HSF2BP: variants seen among roughly 807,000 people sequenced by gnomAD.
HSF2BP encodes the protein heat shock factor 2-binding protein.
A neutral mutation model predicts 35.0 loss-of-function variants in HSF2BP; 35 were observed. The ratio of observed to expected loss-of-function variants is 1.00; its 90% confidence interval spans 0.76 to 1.32. HSF2BP has a LOEUF of 1.32. Ranked by LOEUF, HSF2BP falls within the 40% of genes most tolerant of loss-of-function variation. HSF2BP has a pLI of 0.00. For missense variants in HSF2BP, 326 were observed against 321.7 expected, an observed-to-expected ratio of 1.01 and a Z score of -0.10; for synonymous variants, 114 against 117.4, an observed-to-expected ratio of 0.97 and a Z score of 0.18.
intron 8 of HSF2BP, among the ~76,000 whole-genome samples, chr21:43,573,508 T>G (rs2081602388): frequency 6.6e-6 from 1 of 152,110 alleles, no homozygotes; most frequent in Non-Finnish European, 1.5e-5. Context: ...TACCCAAAAC[T>G]CTAATCAAAA....
At chr21:43,655,525 GA>G (rs1202908185) in intron 3 of HSF2BP, among the ~76,000 whole-genome samples, 3 of 152,204 alleles carry the variant, frequency 2.0e-5, no homozygotes, top group Admixed American at 2.0e-4. Flanking sequence ...TAGGACTACG[GA>G]AGAGGCCTCT....
rs541143403 is a variant in HSF2BP at position 43,616,050 on chromosome 21, A to ATAT, written c.575-2104_575-2103insATA. Among the ~76,000 whole-genome samples the ATAT allele has an allele frequency of 3.4e-4, 45 of 133,980 alleles. No individual in the cohort carries two copies. The East Asian group carries it at 3.7e-3, about 11-fold the overall frequency. 87.9% of individuals were successfully genotyped at this position (133,980 alleles called of 152,430 possible). On this transcript the variant is annotated intron_variant, in intron 6 of 8. Coordinates refer to ENST00000291560, the MANE Select transcript of HSF2BP (RefSeq NM_007031.2). ...CTAATACATCGCTGAAGAAAAAAAA[A>ATAT]AAATATATATATATATATATCATAG...
intron 8 of HSF2BP, among the ~76,000 whole-genome samples, chr21:43,577,623 T>C (rs2081660217): frequency 6.6e-6 from 1 of 152,170 alleles, no homozygotes; most frequent in Non-Finnish European, 1.5e-5. Context: ...TGGATGTAGC[T>C]ACTCAGGTCA....
chr21:43,583,928 G>A (rs2081807403), intron 8 of HSF2BP, among the ~76,000 whole-genome samples: 2 of 138,052 alleles, frequency 1.4e-5, no homozygotes, highest in East Asian at 2.2e-4. Context: ...AGGGCCTGCT[G>A]AGGGAGATGA....
the HSF2BP span, among the ~76,000 whole-genome samples, chr21:43,459,547 C>T: frequency 7.1e-5 from 7 of 98,064 alleles, 3 homozygotes; most frequent in Non-Finnish European, 1.0e-4. Context: ...AACACTCCCC[C>T]GGCCCTGCAC....
chr21:43,632,113 ACG>A (rs2082475431), intron 5 of HSF2BP, among the ~76,000 whole-genome samples: 2 of 44,276 alleles, frequency 4.5e-5, no homozygotes, highest in African/African-American at 1.9e-4. Flanking sequence ...CCCCACACAC[ACG>A]CTCCCCCAAA....
At chr21:43,628,640 G>T (rs1056181203) in intron 6 of HSF2BP, among the ~76,000 whole-genome samples, 1 of 152,182 alleles carries the variant, frequency 6.6e-6, no homozygotes, top group Non-Finnish European at 1.5e-5. Flanking sequence ...CACTGCCGAG[G>T]GTGGTTACAC....
At chr21:43,651,804 A>C (rs1336686380) in intron 3 of HSF2BP, among the ~76,000 whole-genome samples, 1 of 152,080 alleles carries the variant, frequency 6.6e-6, no homozygotes, top group Non-Finnish European at 1.5e-5. Flanking sequence ...TCCTCCTAAC[A>C]AATCATGCCT....
At chr21:43,587,332 C>T (rs997641251) in intron 8 of HSF2BP, among the ~76,000 whole-genome samples, 16 of 152,158 alleles carry the variant, frequency 1.1e-4, no homozygotes, top group African/African-American at 3.9e-4. Context: ...GGGCTGTGCT[C>T]ACTGTGTTGA....
intron 3 of HSF2BP, among the ~76,000 whole-genome samples, chr21:43,646,932 C>A (rs1166906596): frequency 6.6e-6 from 1 of 152,224 alleles, no homozygotes; most frequent in Admixed American, 6.5e-5. Context: ...TACCTAAAAG[C>A]ACCCTGAAGG....
chr21:43,602,418 C>T (rs2082062795), intron 7 of HSF2BP, among the ~76,000 whole-genome samples: 1 of 152,214 alleles, frequency 6.6e-6, no homozygotes, highest in African/African-American at 2.4e-5. Flanking sequence ...CCATCACCCT[C>T]ATTTGCCCAC....
chr21:43,656,846 AAT>A, intron 2 of HSF2BP, 109 bp from the exon 3 acceptor site: 1 of 859,184 alleles, frequency 1.2e-6, no homozygotes, highest in Non-Finnish European at 1.9e-6. Context: ...CGTTGTTTCA[AAT>A]CATGTCTCTA....
intron 8 of HSF2BP, among the ~76,000 whole-genome samples, chr21:43,591,126 T>C (rs989882556): frequency 1.1e-4 from 17 of 152,212 alleles, no homozygotes; most frequent in African/African-American, 4.1e-4. Context: ...TTTTTATACA[T>C]GGGTGAAATG....
At chr21:43,636,213 GAAAAGAA>G (rs1181799919) in intron 4 of HSF2BP, among the ~76,000 whole-genome samples, 4 of 19,514 alleles carry the variant, frequency 2.0e-4, no homozygotes, top group Non-Finnish European at 3.2e-4. Flanking sequence ...AGAAAGAAAA[GAAAAGAA>G]AAGAAAAGAA....
intron 3 of HSF2BP, among the ~76,000 whole-genome samples, chr21:43,645,458 A>C (rs1453419376): frequency 1.3e-5 from 2 of 152,222 alleles, no homozygotes; most frequent in African/African-American, 4.8e-5. Context: ...AACATGCAAC[A>C]CATGACCAGC....
intron 7 of HSF2BP, among the ~76,000 whole-genome samples, chr21:43,611,576 A>G (rs1396636910): frequency 6.6e-6 from 1 of 152,212 alleles, no homozygotes. Context: ...TCCAAAACCC[A>G]AAAGTAGCCC....
At chr21:43,647,650 A>C (rs2082726123) in intron 3 of HSF2BP, among the ~76,000 whole-genome samples, 1 of 152,214 alleles carries the variant, frequency 6.6e-6, no homozygotes, top group Non-Finnish European at 1.5e-5. Context: ...CTAAAACACT[A>C]ATCAAAGAAA....
intron 3 of HSF2BP, among the ~76,000 whole-genome samples, chr21:43,650,569 A>T (rs1261453727): frequency 6.6e-6 from 1 of 152,040 alleles, no homozygotes; most frequent in Non-Finnish European, 1.5e-5. Context: ...ATACCCACTG[A>T]TTTATTCACC....
rs371084108 is a variant in HSF2BP, at chr21:43,584,814, C to G, written c.796+7411G>C. Among the ~76,000 whole-genome samples, 16 of 152,264 alleles carry G rather than the reference C, an allele frequency of 1.1e-4. No homozygotes were observed. In the East Asian group the frequency reaches 3.1e-3, roughly 29 times the overall value. On this transcript the variant is annotated intron_variant, in intron 8 of 8. Coordinates refer to ENST00000291560, the MANE Select transcript of HSF2BP (RefSeq NM_007031.2). ...TGGGAAAGACCCTTGGGAGTTTCCTCTCAGGATGCTCACCTGAGGTGGGAC... is the reference window on the plus strand; with the variant it reads ...TGGGAAAGACCCTTGGGAGTTTCCTGTCAGGATGCTCACCTGAGGTGGGAC...
Sources: allele counts gnomAD v4.1 joint callset (sites outside exome capture counted in the v4.1 genomes callset), GRCh38; gene constraint gnomAD v4.1.1; transcripts MANE v1.5; gene names NCBI Gene and HGNC (gene_info 2026-07-23, HGNC 2026-07-21).